The following TMEM266 variants were observed in gnomAD, a reference collection of about 807,000 sequenced individuals.
TMEM266 encodes Hv1 related protein 1.
Under a neutral mutation model 50.5 loss-of-function variants are expected in TMEM266, and 33 were observed. The ratio of observed to expected loss-of-function variants is 0.65; its 90% CI spans 0.50 to 0.87. The LOEUF (loss-of-function observed/expected upper bound fraction) is 0.87, where lower values mean the gene tolerates loss of function less well. TMEM266 is among the 40% of genes least tolerant of loss of function. The probability of loss-of-function intolerance (pLI) is 0.00; values close to 1 mark genes in which losing one functional copy is unlikely to be tolerated. For missense variants in TMEM266, 655 were observed against 695.1 expected (o/e 0.94, Z 0.65); for synonymous variants, 310 against 292.3 (o/e 1.06, Z -0.62).
At chr15:76,070,963 T>C (rs1280614085) in intron 1 of TMEM266, among the ~76,000 whole-genome samples, 1 of 152,200 alleles carries the variant, frequency 6.6e-6, no homozygotes, top group African/African-American at 2.4e-5. Context: ...CACATAGTCA[T>C]TGAAGGACAG....
intron 3 of TMEM266, among the ~76,000 whole-genome samples, chr15:76,152,067 G>A (rs1486088777): frequency 1.3e-5 from 2 of 152,132 alleles, no homozygotes; most frequent in Non-Finnish European, 2.9e-5. Context: ...CCTGGAGGCA[G>A]ATCCCACCCC....
At chr15:76,104,585 G>A (rs1164387928) in intron 1 of TMEM266, among the ~76,000 whole-genome samples, 5 of 152,134 alleles carry the variant, frequency 3.3e-5, no homozygotes, top group African/African-American at 9.7e-5. Flanking sequence ...TTGGGAGGCC[G>A]AGGCGGGCGG....
chr15:76,192,364 G>T (rs919649750), intron 9 of TMEM266, among the ~76,000 whole-genome samples: 12 of 150,932 alleles, frequency 8.0e-5, no homozygotes, highest in African/African-American at 2.7e-4. Flanking sequence ...TCCAGCCACC[G>T]ACCCAAACTA....
chr15:76,144,776 T>A (rs1398061901), intron 3 of TMEM266, among the ~76,000 whole-genome samples: 1 of 152,012 alleles, frequency 6.6e-6, no homozygotes, highest in Non-Finnish European at 1.5e-5. Flanking sequence ...TTCATGCGTG[T>A]CCACAGACGT....
chr15:76,073,791 C>T (rs2036569596), intron 1 of TMEM266, among the ~76,000 whole-genome samples: 1 of 152,186 alleles, frequency 6.6e-6, no homozygotes, highest in South Asian at 2.1e-4. Flanking sequence ...CAGAATTTTG[C>T]AAGAGCTTAT....
intron 1 of TMEM266, among the ~76,000 whole-genome samples, chr15:76,088,763 C>T (rs139246532): frequency 0.055 from 8,319 of 150,928 alleles, 715 homozygotes; most frequent in African/African-American, 0.19. Context: ...CGCCACTGCA[C>T]TCCAGCCTGG....
chr15:76,116,566 G>A (rs139265784), intron 1 of TMEM266, among the ~76,000 whole-genome samples: 205 of 152,078 alleles, frequency 1.3e-3, no homozygotes, highest in Admixed American at 3.1e-3. Context: ...CGGAGTGGGG[G>A]TTGCGGACCA....
intron 1 of TMEM266, among the ~76,000 whole-genome samples, chr15:76,098,468 G>T (rs566506188): frequency 6.6e-6 from 1 of 152,230 alleles, no homozygotes; most frequent in Non-Finnish European, 1.5e-5. Context: ...TCCCAGAGGG[G>T]CACCTGCCAG....
chr15:76,162,840 C>T (rs1033558770), intron 5 of TMEM266, among the ~76,000 whole-genome samples: 7 of 152,222 alleles, frequency 4.6e-5, no homozygotes, highest in Non-Finnish European at 8.8e-5. Flanking sequence ...ATGAGTACCA[C>T]GTCTTCAGGT....
At chr15:76,158,166 C>T (rs2037956336) in intron 4 of TMEM266, among the ~76,000 whole-genome samples, 1 of 152,158 alleles carries the variant, frequency 6.6e-6, no homozygotes, top group African/African-American at 2.4e-5. Flanking sequence ...TTATGGGATC[C>T]TGTGAACTCA....
chr15:76,120,712 G>T (rs1204733108), intron 1 of TMEM266, among the ~76,000 whole-genome samples: 1 of 129,282 alleles, frequency 7.7e-6, no homozygotes, highest in Non-Finnish European at 1.5e-5. Flanking sequence ...AGTGAGCCAA[G>T]ATCATGCCGC....
intron 5 of TMEM266, among the ~76,000 whole-genome samples, chr15:76,164,238 C>T (rs1307117825): frequency 1.3e-5 from 2 of 152,182 alleles, no homozygotes; most frequent in Non-Finnish European, 2.9e-5. Context: ...CAGGGTCTCA[C>T]TCTGTCACCC....
intron 1 of TMEM266, among the ~76,000 whole-genome samples, chr15:76,090,527 T>C (rs1324290986): frequency 7.0e-6 from 1 of 142,768 alleles, no homozygotes; most frequent in African/African-American, 2.6e-5. Context: ...AAGAAAAAAG[T>C]TGGGAAAAGA....
chr15:76,084,736 G>A (rs1238792181), intron 1 of TMEM266, among the ~76,000 whole-genome samples: 3 of 151,870 alleles, frequency 2.0e-5, no homozygotes, highest in African/African-American at 7.3e-5. Context: ...GAGTAGCTGG[G>A]ACTACAGGCT....
In TMEM266 at chr15:76,137,764, A is replaced by G. The variant is rs942207020; in HGVS notation, c.96A>G (p.Glu32=). 4.3e-6 allele frequency: 7 copies of G among 1,614,256 alleles called. No individual in the cohort carries two copies. Among genetic ancestry groups the G allele is most frequent in the Admixed American group, 3.3e-5 (2 of 60,034 alleles). ...AGATCATCTCCCAACAAGTAGACGA[A>G]GAAACCAAGAGCATTGCTCCTGTGC... is the stretch of plus-strand genomic sequence containing the variant. The change falls in exon 3 of 11, where the codon GAA becomes GAG. Residue 32 remains glutamate, a synonymous_variant. Coordinates refer to ENST00000388942, the MANE Select transcript of TMEM266 (RefSeq NM_152335.3).
intron 1 of TMEM266, among the ~76,000 whole-genome samples, chr15:76,116,052 AT>A (rs1375176368): frequency 6.6e-6 from 1 of 152,140 alleles, no homozygotes; most frequent in East Asian, 1.9e-4. Context: ...CTCTGTTTAA[AT>A]TAACGAGTTG....
chr15:76,151,843 A>T (rs1171916176), intron 3 of TMEM266, among the ~76,000 whole-genome samples: 2 of 152,144 alleles, frequency 1.3e-5, no homozygotes, highest in Admixed American at 1.3e-4. Flanking sequence ...GCGCCAGGTG[A>T]TGCTGCTGCT....
chr15:76,140,109 G>A (rs1464955001), intron 3 of TMEM266, among the ~76,000 whole-genome samples: 1 of 152,244 alleles, frequency 6.6e-6, no homozygotes, highest in East Asian at 1.9e-4. Flanking sequence ...AGGCAGAGAG[G>A]CCTTTGATTT....
rs5813821 is a variant in TMEM266, at chr15:76,153,134, C to CAA, written c.228-3460_228-3459dup. 0.023 allele frequency among the ~76,000 whole-genome samples: 3,414 copies of CAA among 146,988 alleles called. 134 individuals are homozygous for CAA. The highest frequency in any genetic ancestry group is 0.079 in the African/African-American group (3,188 of 40,158). ...TGATATGGTTAGTAAGTTTCTCTAA[C>CAA]AAAAAAAAAAAGAAGAAAAAAACGA... On this transcript the variant is annotated intron_variant, in intron 3 of 10. Transcript: ENST00000388942. This position sits in a 1 kb window ranked among gnomAD's most constrained non-coding sequence, Gnocchi z 4.2.
Sources: gnomAD v4.1 joint callset for allele counts (sites outside exome capture counted in the v4.1 genomes callset) on GRCh38, gnomAD v4.1.1 for gene constraint, Gnocchi (gnomAD v3.1) non-coding constraint, MANE v1.5 for transcripts, NCBI Gene and HGNC (gene_info 2026-07-23, HGNC 2026-07-21) for gene names.